The following CPEB3 variants were observed in gnomAD, a reference collection of about 807,000 sequenced individuals.
CPEB3 encodes cytoplasmic polyadenylation element-binding protein 3.
Under a neutral mutation model 67.2 loss-of-function variants are expected in CPEB3, and 20 were observed. That is an observed-to-expected ratio of 0.30 (90% CI 0.21 to 0.43). The LOEUF (loss-of-function observed/expected upper bound fraction) is 0.43. Ranked by LOEUF, CPEB3 falls within the 20% of genes least tolerant of loss-of-function variation. The pLI, the probability that CPEB3 is intolerant of heterozygous loss-of-function variation, is 1.00. For missense variants in CPEB3, 746 were observed against 968.6 expected (o/e 0.77, Z 3.05); for synonymous variants, 376 against 393.1 (o/e 0.96, Z 0.51).
intron 7 of CPEB3, among the ~76,000 whole-genome samples, chr10:92,095,916 C>A (rs1253716442): frequency 6.6e-6 from 1 of 151,854 alleles, no homozygotes; most frequent in Non-Finnish European, 1.5e-5. Flanking sequence ...TGCTCTGTCG[C>A]CCAGGCTGGA....
intron 4 of CPEB3, among the ~76,000 whole-genome samples, chr10:92,173,255 G>A (rs761796159): frequency 1.8e-4 from 28 of 152,174 alleles, no homozygotes; most frequent in Non-Finnish European, 3.7e-4. Context: ...GAAGTCCACC[G>A]GGAAGAGTAA....
chr10:92,088,225 A>AT (rs374452327), intron 8 of CPEB3, among the ~76,000 whole-genome samples: 35,939 of 126,332 alleles, frequency 0.28, 5,556 homozygotes, highest in Admixed American at 0.33. Flanking sequence ...TTCCAACCTA[A>AT]TTTTTTTTTT....
intron 4 of CPEB3, among the ~76,000 whole-genome samples, chr10:92,180,485 T>C (rs1401936332): frequency 6.6e-6 from 1 of 152,238 alleles, no homozygotes; most frequent in Non-Finnish European, 1.5e-5. Context: ...GGCAAACATT[T>C]TCTGTAAAGG....
intron 4 of CPEB3, among the ~76,000 whole-genome samples, chr10:92,177,378 G>A (rs567991541): frequency 6.6e-6 from 1 of 152,268 alleles, no homozygotes; most frequent in South Asian, 2.1e-4. Flanking sequence ...CTGATGGATT[G>A]GAGTTTCTTC....
intron 9 of CPEB3, among the ~76,000 whole-genome samples, chr10:92,062,313 C>G (rs1434169587): frequency 6.7e-6 from 1 of 149,394 alleles, no homozygotes; most frequent in Non-Finnish European, 1.5e-5. Flanking sequence ...AAATTGCCAA[C>G]AAAAATAGAA....
chr10:92,270,926 C>T (rs1393340185), intron 1 of CPEB3, among the ~76,000 whole-genome samples: 1 of 152,096 alleles, frequency 6.6e-6, no homozygotes, highest in Admixed American at 6.6e-5. Context: ...CCTGTAATCC[C>T]AGAACTTGGG....
chr10:92,290,739 G>A (rs1396398620), intron 1 of CPEB3, among the ~76,000 whole-genome samples, 187 bp downstream of exon 1: 1 of 152,174 alleles, frequency 6.6e-6, no homozygotes, highest in Non-Finnish European at 1.5e-5. Context: ...AGGAGAGGCT[G>A]GCTCCAGCGC....
chr10:92,064,396 C>A (rs1246978013), intron 9 of CPEB3, among the ~76,000 whole-genome samples: 1 of 152,126 alleles, frequency 6.6e-6, no homozygotes, highest in African/African-American at 2.4e-5. Flanking sequence ...AGGTTGGGTT[C>A]CTCTTCTGGC....
At chr10:92,261,593 G>A (rs1378783929) in intron 1 of CPEB3, among the ~76,000 whole-genome samples, 4 of 152,112 alleles carry the variant, frequency 2.6e-5, no homozygotes, top group South Asian at 2.1e-4. Context: ...GATTACAGGC[G>A]CCCACCACAA....
chr10:92,188,062 T>A (rs144108247), intron 3 of CPEB3, among the ~76,000 whole-genome samples: 1 of 151,870 alleles, frequency 6.6e-6, no homozygotes, highest in African/African-American at 2.4e-5. Context: ...CCAGGCATGG[T>A]GCCTGTGCCT....
chr10:92,177,781 T>C (rs1848288914), intron 4 of CPEB3, among the ~76,000 whole-genome samples: 2 of 152,172 alleles, frequency 1.3e-5, no homozygotes, highest in Admixed American at 6.5e-5. Context: ...AAAGTAGTAC[T>C]GAGAAGAATG....
chr10:92,080,713 C>A (rs1229310402), intron 9 of CPEB3, among the ~76,000 whole-genome samples: 1 of 152,062 alleles, frequency 6.6e-6, no homozygotes, highest in Non-Finnish European at 1.5e-5. Context: ...CCTGCCTCAG[C>A]CTCCTGAGTA....
chr10:92,106,965 G>GAA (rs34591193), intron 7 of CPEB3, among the ~76,000 whole-genome samples: 6 of 151,792 alleles, frequency 4.0e-5, no homozygotes, highest in Non-Finnish European at 8.8e-5. Context: ...AGCAAAGTTG[G>GAA]AAAAAATTGA....
intron 3 of CPEB3, among the ~76,000 whole-genome samples, chr10:92,185,372 G>A (rs1460524562): frequency 6.6e-6 from 1 of 152,092 alleles, no homozygotes. Flanking sequence ...GGGGTGAGAG[G>A]GGATGAAGGG....
At chr10:92,245,388 G>A (rs1381547064) in intron 1 of CPEB3, among the ~76,000 whole-genome samples, 3 of 151,606 alleles carry the variant, frequency 2.0e-5, no homozygotes, top group South Asian at 2.1e-4. Flanking sequence ...TGCCCACCTC[G>A]GCCTCCCAAA....
chr10:92,147,966 C>T (rs568076707), intron 4 of CPEB3, among the ~76,000 whole-genome samples: 1 of 152,284 alleles, frequency 6.6e-6, no homozygotes, highest in African/African-American at 2.4e-5. Context: ...TTCTCTTATA[C>T]TCCACGTCAA....
intron 7 of CPEB3, 77 bp from the exon 8 acceptor site, chr10:92,092,021 C>T: frequency 1.1e-6 from 1 of 874,146 alleles, no homozygotes; most frequent in Admixed American, 2.1e-5. Flanking sequence ...TAAAGACAAA[C>T]CCACTGATTT....
chr10:92,268,915 T>C (rs904017629), intron 1 of CPEB3, among the ~76,000 whole-genome samples: 4 of 152,028 alleles, frequency 2.6e-5, no homozygotes, highest in African/African-American at 7.2e-5. Flanking sequence ...GAGGGCACAA[T>C]TGGCAAATAC....
At chr10:92,119,097 T>G (rs1845196080) in intron 6 of CPEB3, 1 of 1,584,546 alleles carries the variant, frequency 6.3e-7, no homozygotes, top group Non-Finnish European at 8.7e-7. Context: ...ATTCCCCAGC[T>G]ATACCAGTCT....
Sources: gnomAD v4.1 joint callset for allele counts (sites outside exome capture counted in the v4.1 genomes callset) on GRCh38, gnomAD v4.1.1 for gene constraint, MANE v1.5 for transcripts, NCBI Gene and HGNC (gene_info 2026-07-23, HGNC 2026-07-21) for gene names.